The following EIF2A variants were observed in gnomAD, a reference collection of about 807,000 sequenced individuals.
The protein encoded by EIF2A is eukaryotic translation initiation factor 2A.
EIF2A carries 62 observed loss-of-function variants against 75.2 expected under a neutral mutation model. The observed-to-expected ratio is 0.82, with a 90% CI of 0.67 to 1.02. The LOEUF is 1.02. Ranked by LOEUF, EIF2A falls within the 50% of genes least tolerant of loss-of-function variation. The pLI is 0.00. For synonymous variants in EIF2A, 207 were observed against 239.0 expected (o/e 0.87, Z 1.23); for missense variants, 611 against 677.7 (o/e 0.90, Z 1.09).
intron 11 of EIF2A, among the ~76,000 whole-genome samples, chr3:150,576,845 C>T (rs149256494): frequency 0.013 from 2,009 of 152,236 alleles, 44 homozygotes; most frequent in African/African-American, 0.047. Flanking sequence ...TACTTGATTA[C>T]GTAGTTGAAA....
chr3:150,577,214 C>T (rs1258333664), intron 11 of EIF2A, among the ~76,000 whole-genome samples: 1 of 152,146 alleles, frequency 6.6e-6, no homozygotes, highest in African/African-American at 2.4e-5. Context: ...GTGGAATCCT[C>T]ATGACTTAAT....
At chr3:150,581,354 A>AT (rs1725166427) in intron 11 of EIF2A, among the ~76,000 whole-genome samples, 1 of 152,142 alleles carries the variant, frequency 6.6e-6, no homozygotes, top group Non-Finnish European at 1.5e-5. Context: ...CCATCTATCT[A>AT]CTGGCACATC....
At chr3:150,562,842 A>G in intron 4 of EIF2A, 182 bp downstream of exon 4, 2 of 481,768 alleles carry the variant, frequency 4.2e-6, no homozygotes, top group Non-Finnish European at 7.4e-6. Flanking sequence ...ATGTATTGAA[A>G]GTAATTTCAA....
At chr3:150,570,433 G>A (rs1397235668) in intron 9 of EIF2A, among the ~76,000 whole-genome samples, 1 of 151,842 alleles carries the variant, frequency 6.6e-6, no homozygotes, top group Non-Finnish European at 1.5e-5. Context: ...CGGTGCAGTG[G>A]CTCATGCATA....
At chr3:150,557,755 G>A in intron 2 of EIF2A, 1 of 294,854 alleles carries the variant, frequency 3.4e-6, no homozygotes, top group Non-Finnish European at 6.7e-6. Context: ...TGTCATTATT[G>A]TGTGATTGCA....
Position 150,572,099 on chromosome 3 carries a change from A to G in EIF2A, c.953A>G (p.Asn318Ser), listed in dbSNP as rs1375496192. ...PVFDFGTGPR[N>S]AAYYSPHGHI... is the part of the protein sequence containing the mutation. ...TTTGACTTTGGAACTGGTCCTCGTA[A>G]TGCAGCCTACTATAGCCCTCATGGA... Residue 318 changes from asparagine to serine, a missense_variant, in exon 10 of 14, where the codon AAT becomes AGT. By Grantham distance (46) the Asn-to-Ser change is conservative. Coordinates refer to ENST00000460851, the MANE Select transcript of EIF2A (RefSeq NM_032025.5). 10 of 1,613,868 alleles carry G rather than the reference A, an allele frequency of 6.2e-6. No individual in the cohort carries two copies. Among genetic ancestry groups the G allele is most frequent in the Non-Finnish European group, 8.5e-6 (10 of 1,179,906 alleles).
At chr3:150,563,979 T>C (rs1340190323) in intron 5 of EIF2A, among the ~76,000 whole-genome samples, 1 of 152,006 alleles carries the variant, frequency 6.6e-6, no homozygotes, top group Non-Finnish European at 1.5e-5. Flanking sequence ...CCACCATGCC[T>C]GGCTAATTTT....
intron 2 of EIF2A, among the ~76,000 whole-genome samples, chr3:150,553,291 C>T (rs1333966202): frequency 7.4e-5 from 11 of 147,960 alleles, no homozygotes; most frequent in Non-Finnish European, 1.3e-4. Context: ...GCATTGCACT[C>T]CAGCCTGGGC....
chr3:150,563,058 T>A (rs1723975503), intron 4 of EIF2A: 1 of 178,240 alleles, frequency 5.6e-6, no homozygotes, highest in Admixed American at 5.7e-5. Flanking sequence ...TATGGTAGAG[T>A]CGAAAATGTT....
At chr3:150,583,153 G>A in intron 12 of EIF2A, 47 bp from the exon 13 acceptor site, 2 of 1,546,698 alleles carry the variant, frequency 1.3e-6, no homozygotes, top group Non-Finnish European at 1.8e-6. Context: ...ATTTGCATTT[G>A]AAGTGACTTT....
chr3:150,571,994 C>T lies in EIF2A; in HGVS notation c.848C>T (p.Ser283Phe). 3 of 1,612,294 alleles carry T rather than the reference C, an allele frequency of 1.9e-6. No individual in the cohort carries two copies. Among genetic ancestry groups the T allele is most frequent in the Non-Finnish European group, 2.5e-6 (3 of 1,179,136 alleles). ...NGPIYDVVWN[S>F]SSTEFCAVYG... ...CCCATTTATGATGTAGTTTGGAATT[C>T]TAGTTCTACTGAGTTTTGTGCTGTA... Residue 283 changes from serine (S) to phenylalanine (F), a missense_variant, in exon 10 of 14, where the codon TCT (serine) becomes TTT (phenylalanine). Physicochemically the swap from Ser to Phe is radical, Grantham distance 155. Coordinates refer to ENST00000460851, the MANE Select transcript of EIF2A (RefSeq NM_032025.5).
At chr3:150,574,365 G>T (rs1290046758) in intron 10 of EIF2A, among the ~76,000 whole-genome samples, 3 of 152,134 alleles carry the variant, frequency 2.0e-5, no homozygotes, top group African/African-American at 7.2e-5. Context: ...CATAAGCGTG[G>T]AAGAGACTTG....
chr3:150,555,064 A>G (rs1576588754), intron 2 of EIF2A, among the ~76,000 whole-genome samples: 1 of 152,116 alleles, frequency 6.6e-6, no homozygotes, highest in African/African-American at 2.4e-5. Flanking sequence ...AGTAGCTGGG[A>G]CTATAGGCGC....
chr3:150,564,274 C>A, intron 5 of EIF2A, 25 bp from the exon 6 acceptor site: 5 of 1,135,670 alleles, frequency 4.4e-6, no homozygotes, highest in Non-Finnish European at 6.0e-6. Flanking sequence ...ATTTTTTATA[C>A]TTTTTTTTTT....
At chr3:150,553,729 CT>C (rs1433057335) in intron 2 of EIF2A, among the ~76,000 whole-genome samples, 1 of 152,048 alleles carries the variant, frequency 6.6e-6, no homozygotes, top group Non-Finnish European at 1.5e-5. Context: ...TTCTTTTTAA[CT>C]GAAAGTTGAT....
chr3:150,547,866 A>G (rs1318269033), intron 1 of EIF2A, among the ~76,000 whole-genome samples: 1 of 152,248 alleles, frequency 6.6e-6, no homozygotes. Flanking sequence ...TACCAGGCAA[A>G]GACTGTTTAA....
intron 9 of EIF2A, among the ~76,000 whole-genome samples, chr3:150,569,712 G>C (rs1436603785): frequency 6.6e-6 from 1 of 152,040 alleles, no homozygotes; most frequent in Non-Finnish European, 1.5e-5. Context: ...CTACTCGGGA[G>C]GCTGAGGCAT....
intron 11 of EIF2A, among the ~76,000 whole-genome samples, chr3:150,577,821 G>A (rs1398124670): frequency 6.6e-6 from 1 of 152,092 alleles, no homozygotes; most frequent in Non-Finnish European, 1.5e-5. Context: ...GTTTTGGGAG[G>A]CAGTTACTAT....
intron 12 of EIF2A, 131 bp downstream of exon 12, chr3:150,581,877 A>C: frequency 9.6e-7 from 1 of 1,038,312 alleles, no homozygotes. Flanking sequence ...TTGTTTTCTC[A>C]CTATGAAGCA....
Sources: allele counts gnomAD v4.1 joint callset (sites outside exome capture counted in the v4.1 genomes callset), GRCh38; gene constraint gnomAD v4.1.1; transcripts MANE v1.5; gene names NCBI Gene and HGNC (gene_info 2026-07-23, HGNC 2026-07-21).